EFCAB5: variants seen among roughly 807,000 people sequenced by gnomAD.
EFCAB5 encodes the protein EF-hand calcium-binding domain-containing protein 5.
In EFCAB5, 131 loss-of-function variants were observed where a neutral mutation model predicts 167.9. The observed-to-expected ratio is 0.78, with a 90% CI of 0.68 to 0.90. The LOEUF (loss-of-function observed/expected upper bound fraction) is 0.90. Ranked by LOEUF, EFCAB5 falls within the 40% of genes least tolerant of loss-of-function variation. EFCAB5 has a pLI of 0.00. For missense variants in EFCAB5, 1,663 were observed against 1,745.2 expected (o/e 0.95, Z 0.84); for synonymous variants, 574 against 602.8 (o/e 0.95, Z 0.70).
At chr17:29,965,285 C>A (rs1050120698) in intron 3 of EFCAB5, among the ~76,000 whole-genome samples, 3 of 151,232 alleles carry the variant, frequency 2.0e-5, no homozygotes, top group African/African-American at 7.3e-5. Context: ...TTTTTTTGAC[C>A]CATTAGTCAT....
At chr17:30,083,943 GCTGA>G (rs369743236) in intron 18 of EFCAB5, among the ~76,000 whole-genome samples, 61 of 152,244 alleles carry the variant, frequency 4.0e-4, no homozygotes, top group African/African-American at 1.4e-3. Flanking sequence ...ATGAATTCTT[GCTGA>G]CTGTTTGCTT....
At chr17:30,045,759 G>A (rs2069909114) in intron 8 of EFCAB5, among the ~76,000 whole-genome samples, 1 of 151,908 alleles carries the variant, frequency 6.6e-6, no homozygotes, top group Admixed American at 6.6e-5. Flanking sequence ...TATCTACTCA[G>A]GAGTCAGAGG....
At chr17:30,054,725 A>G (rs571651791) in intron 10 of EFCAB5, among the ~76,000 whole-genome samples, 82 of 152,326 alleles carry the variant, frequency 5.4e-4, no homozygotes, top group African/African-American at 1.8e-3. Flanking sequence ...TTACATGGAA[A>G]ATTCTAGAAA....
At chr17:30,078,818 C>A (rs143756022) in intron 15 of EFCAB5, among the ~76,000 whole-genome samples, 1 of 152,308 alleles carries the variant, frequency 6.6e-6, no homozygotes, top group African/African-American at 2.4e-5. Context: ...AGATTATGAA[C>A]AATATCAGTA....
intron 3 of EFCAB5, among the ~76,000 whole-genome samples, chr17:29,954,289 C>G (rs573137701): frequency 8.6e-4 from 131 of 152,278 alleles, no homozygotes; most frequent in African/African-American, 2.6e-3. Context: ...ATGGCAGCCT[C>G]TCCCATCACA....
intron 1 of EFCAB5, among the ~76,000 whole-genome samples, chr17:29,933,195 C>T (rs915025693): frequency 2.0e-5 from 3 of 151,982 alleles, no homozygotes; most frequent in Admixed American, 6.6e-5. Context: ...CGGCTAGGCG[C>T]GAAAGGAGGT....
At chr17:29,942,354 A>G (rs1597553909) in intron 2 of EFCAB5, 52 bp downstream of exon 2, 1 of 1,441,122 alleles carries the variant, frequency 6.9e-7, no homozygotes, top group Middle Eastern at 2.0e-4. Context: ...TAAGCTAGAT[A>G]AATCAATTTT....
At chr17:30,071,048 A>AG (rs1281129907) in intron 14 of EFCAB5, among the ~76,000 whole-genome samples, 1 of 150,592 alleles carries the variant, frequency 6.6e-6, no homozygotes, top group Non-Finnish European at 1.5e-5. Flanking sequence ...AGAAAACATG[A>AG]GGGAAACACT....
At chr17:29,999,113 T>C (rs1465175174) in intron 6 of EFCAB5, among the ~76,000 whole-genome samples, 1 of 152,122 alleles carries the variant, frequency 6.6e-6, no homozygotes, top group Non-Finnish European at 1.5e-5. Context: ...CTTGTCACTA[T>C]ACACACTATA....
At chr17:30,031,762 CTGTAATTTCAGT>C (rs139195771) in intron 7 of EFCAB5, 4,236 of 152,272 alleles carry the variant, frequency 0.028, 95 homozygotes, top group East Asian at 0.06. Flanking sequence ...TGGCTCATGC[CTGTAATTTCAGT>C]ACTTTGAGAG....
rs779223200 is a variant in EFCAB5 at position 30,034,352 on chromosome 17, C to T, written c.1167C>T (p.Phe389=). The T allele has an allele frequency of 6.2e-7, 1 of 1,609,630 alleles. No homozygotes were observed. Among genetic ancestry groups the T allele is most frequent in the Non-Finnish European group, 8.5e-7 (1 of 1,177,546 alleles). The change falls in exon 8 of 23, where the codon TTC becomes TTT. Residue 389 remains phenylalanine, a synonymous_variant. Transcript: ENST00000394835. ...VIKADMRRQM[F]AELFLHCDHG... ...AAGCTGACATGCGGAGGCAGATGTTCGCTGAACTCTTCCTACATTGTGACC... is the reference window on the plus strand; with the variant it reads ...AAGCTGACATGCGGAGGCAGATGTTTGCTGAACTCTTCCTACATTGTGACC...
chr17:29,961,734 G>A (rs1378261981), intron 3 of EFCAB5, among the ~76,000 whole-genome samples: 1 of 152,032 alleles, frequency 6.6e-6, no homozygotes, highest in Admixed American at 6.6e-5. Context: ...GACTATAGGT[G>A]TGCATCACCA....
chr17:30,065,402 G>T (rs928893770), intron 14 of EFCAB5, among the ~76,000 whole-genome samples: 10 of 152,228 alleles, frequency 6.6e-5, no homozygotes, highest in African/African-American at 2.2e-4. Context: ...GGTGGCTCAT[G>T]CCTGTAATCC....
rs1304789383 is a variant in EFCAB5, at chr17:30,053,800, C to G, written c.1846C>G (p.Gln616Glu). Residue 616 changes from glutamine to glutamate, a missense_variant, in exon 10 of 23, where the codon CAA becomes GAA. Coordinates refer to ENST00000394835, the MANE Select transcript of EFCAB5 (RefSeq NM_198529.4). ...QGSRRESIAE[Q>E]DRHKGSVAEQ... ...GTCACGCAGAGAGTCTATTGCAGAACAAGATCGACACAAAGGGTCAGTAGC... is the reference window on the plus strand; with the variant it reads ...GTCACGCAGAGAGTCTATTGCAGAAGAAGATCGACACAAAGGGTCAGTAGC... 3.0e-5 allele frequency: 49 copies of G among 1,613,766 alleles called. No homozygotes were observed. Among genetic ancestry groups the G allele is most frequent in the Non-Finnish European group, 4.2e-5 (49 of 1,179,860 alleles).
intron 4 of EFCAB5, chr17:29,972,835 G>C: frequency 4.7e-6 from 1 of 212,996 alleles, no homozygotes; most frequent in East Asian, 1.1e-4. Flanking sequence ...GCCATGGTCT[G>C]GGAAGGGTAC....
intron 3 of EFCAB5, among the ~76,000 whole-genome samples, chr17:29,949,613 T>C (rs2067468572): frequency 6.6e-6 from 1 of 152,256 alleles, no homozygotes; most frequent in Admixed American, 6.5e-5. Flanking sequence ...AACCTCTGAA[T>C]TAAATTGCCC....
At chr17:30,092,224 T>C in intron 21 of EFCAB5, 67 bp downstream of exon 21, 1 of 1,473,076 alleles carries the variant, frequency 6.8e-7, no homozygotes, top group Non-Finnish European at 9.1e-7. Context: ...ACTGTACAAA[T>C]CATAATTGCA....
At chr17:30,005,162 C>T (rs1199915177) in intron 7 of EFCAB5, among the ~76,000 whole-genome samples, 1 of 152,102 alleles carries the variant, frequency 6.6e-6, no homozygotes, top group Non-Finnish European at 1.5e-5. Flanking sequence ...TTATTCTCCT[C>T]AGCAATGCAT....
intron 2 of EFCAB5, among the ~76,000 whole-genome samples, chr17:29,942,639 T>C (rs1374868060): frequency 2.0e-5 from 3 of 152,186 alleles, no homozygotes; most frequent in African/African-American, 4.8e-5. Context: ...TAAGTAACTT[T>C]GTGTTTAAAT....
Sources: allele counts gnomAD v4.1 joint callset (sites outside exome capture counted in the v4.1 genomes callset), GRCh38; gene constraint gnomAD v4.1.1; transcripts MANE v1.5; gene names NCBI Gene and HGNC (gene_info 2026-07-23, HGNC 2026-07-21).